NELL2: variants seen among roughly 807,000 people sequenced by gnomAD.
NELL2 encodes neural EGFL like 2.
NELL2 carries 41 observed loss-of-function variants against 109.6 expected under a neutral mutation model. That is an observed-to-expected ratio of 0.37 (90% confidence interval 0.29 to 0.49). The LOEUF (loss-of-function observed/expected upper bound fraction) is 0.49. Ranked by LOEUF, NELL2 falls within the 20% of genes least tolerant of loss-of-function variation. The probability of loss-of-function intolerance (pLI) is 0.98; values close to 1 mark genes in which losing one functional copy is unlikely to be tolerated. For missense variants in NELL2, 900 were observed against 1,008.3 expected, an observed-to-expected ratio of 0.89 and a Z score of 1.45; for synonymous variants, 355 against 344.7, an observed-to-expected ratio of 1.03 and a Z score of -0.33.
At chr12:44,759,170 A>C (rs550595861) in intron 9 of NELL2, among the ~76,000 whole-genome samples, 6 of 152,242 alleles carry the variant, frequency 3.9e-5, no homozygotes, top group African/African-American at 1.4e-4. Context: ...TTTCATCTTC[A>C]TACCTTGCTC....
At chr12:44,706,920 A>G (rs1348530545) in intron 11 of NELL2, among the ~76,000 whole-genome samples, 1 of 152,154 alleles carries the variant, frequency 6.6e-6, no homozygotes, top group African/African-American at 2.4e-5. Flanking sequence ...TTGGTAAAAT[A>G]TAAACATGCA....
In NELL2 at chr12:44,876,175, T is replaced by C. The variant is rs1007493193; in HGVS notation, c.-306A>G. ...CCCCGGCGCGGCTCCGTCGGGGAAT[T>C]AGCTCCCGAGCCGAATAAAAGCAGC... On this transcript the variant is annotated 5_prime_UTR_variant, in exon 1 of 20. Transcript: ENST00000429094. The C allele has an allele frequency of 7.1e-5, 89 of 1,244,924 alleles. 1 individual carries two copies. The African/African-American group carries it at 1.3e-3, about 18-fold the overall frequency. 77.1% of individuals were successfully genotyped at this position (1,244,924 alleles called of 1,614,324 possible). A position where few individuals can be genotyped will look rare whatever the true frequency, so the allele number is the denominator to read the frequency against.
chr12:44,918,517 ATGTGTGTGTGTG>A (rs10589306), upstream of NELL2, among the ~76,000 whole-genome samples: 40 of 123,962 alleles, frequency 3.2e-4, 1 homozygote, highest in South Asian at 1.3e-3. Context: ...GCATGCATGT[ATGTGTGTGTGTG>A]TGTGTGTGTG....
intron 13 of NELL2, among the ~76,000 whole-genome samples, chr12:44,633,052 A>G (rs1234699654): frequency 6.6e-6 from 1 of 152,078 alleles, no homozygotes; most frequent in East Asian, 1.9e-4. Flanking sequence ...ACAGGAGTCA[A>G]AGAAAACACA....
chr12:44,600,829 T>C (rs957128584), intron 15 of NELL2, among the ~76,000 whole-genome samples: 3 of 152,222 alleles, frequency 2.0e-5, no homozygotes, highest in Admixed American at 2.0e-4. Context: ...AAATTTACTT[T>C]TCATTATATG....
At chr12:44,880,848 G>A (rs893898065), upstream of NELL2, 2 of 151,928 alleles carry the variant, frequency 1.3e-5, no homozygotes, top group African/African-American at 4.9e-5. Context: ...TGTTGTTGTT[G>A]TTGTTGTTGT....
chr12:44,642,653 G>T (rs528578993), intron 13 of NELL2, among the ~76,000 whole-genome samples: 1 of 152,102 alleles, frequency 6.6e-6, no homozygotes, highest in Admixed American at 6.5e-5. Context: ...ATGCTGAGGC[G>T]GGCGGATCAC....
At chr12:44,806,400 C>A (rs576147345) in intron 3 of NELL2, among the ~76,000 whole-genome samples, 60 of 151,864 alleles carry the variant, frequency 4.0e-4, no homozygotes, top group African/African-American at 1.4e-3. Flanking sequence ...ATATTAAAAT[C>A]TGTTATGAAA....
At chr12:44,916,448 C>T (rs2136897444), upstream of NELL2, among the ~76,000 whole-genome samples, 1 of 152,158 alleles carries the variant, frequency 6.6e-6, no homozygotes, top group East Asian at 1.9e-4. Context: ...AAATGGAAAT[C>T]ATTATAACTG....
intron 13 of NELL2, among the ~76,000 whole-genome samples, chr12:44,632,436 A>G (rs1946488549): frequency 6.6e-6 from 1 of 152,136 alleles, no homozygotes. Context: ...AGTATTTATT[A>G]GTAGTGTGAC....
intron 13 of NELL2, among the ~76,000 whole-genome samples, chr12:44,624,487 C>T (rs1946165231): frequency 6.6e-6 from 1 of 152,034 alleles, no homozygotes; most frequent in Non-Finnish European, 1.5e-5. Flanking sequence ...TCCTCACTAT[C>T]GTCTTTCCCC....
At chr12:44,886,101 AAGGAAGGAAGG>A (rs1945469061) in intron 1 of NELL2, among the ~76,000 whole-genome samples, 1 of 116,430 alleles carries the variant, frequency 8.6e-6, no homozygotes, top group Non-Finnish European at 1.7e-5. Context: ...GGAAGGAAGG[AAGGAAGGAAGG>A]AAGGAAGGAA....
chr12:44,864,705 T>C (rs1364464848), intron 2 of NELL2, among the ~76,000 whole-genome samples: 13 of 152,138 alleles, frequency 8.5e-5, no homozygotes, highest in Admixed American at 2.0e-4. Flanking sequence ...AAACTACACT[T>C]TACATCAAAT....
intron 1 of NELL2, among the ~76,000 whole-genome samples, chr12:44,887,927 A>G (rs906912996): frequency 9.2e-5 from 14 of 151,992 alleles, no homozygotes; most frequent in African/African-American, 3.4e-4. Context: ...ATCCTGGAGC[A>G]TTGGCCTAAT....
intron 3 of NELL2, among the ~76,000 whole-genome samples, chr12:44,783,840 G>A (rs944467894): frequency 6.6e-6 from 1 of 151,800 alleles, no homozygotes; most frequent in East Asian, 1.9e-4. Context: ...ATATTGCCCT[G>A]ACACCAAAAA....
chr12:44,751,794 C>T (rs1241033377), intron 9 of NELL2, among the ~76,000 whole-genome samples: 1 of 151,988 alleles, frequency 6.6e-6, no homozygotes, highest in Non-Finnish European at 1.5e-5. Context: ...GATAATTTTG[C>T]TATAAAATTA....
intron 9 of NELL2, among the ~76,000 whole-genome samples, chr12:44,750,143 A>C (rs1194371459): frequency 6.6e-6 from 1 of 152,128 alleles, no homozygotes; most frequent in South Asian, 2.1e-4. Context: ...AGAGAAAGAA[A>C]ACCACCCAGC....
chr12:44,637,022 T>A (rs187811208), intron 13 of NELL2, among the ~76,000 whole-genome samples: 1 of 152,236 alleles, frequency 6.6e-6, no homozygotes, highest in Non-Finnish European at 1.5e-5. Context: ...TCTTCTAGAT[T>A]TTTTAGTTTA....
chr12:44,800,883 G>C (rs867092423), intron 3 of NELL2, among the ~76,000 whole-genome samples: 7 of 152,206 alleles, frequency 4.6e-5, no homozygotes, highest in Non-Finnish European at 7.4e-5. Context: ...ACACGGGACA[G>C]AGTAAGCTGT....
Sources: allele counts gnomAD v4.1 joint callset (sites outside exome capture counted in the v4.1 genomes callset), GRCh38; gene constraint gnomAD v4.1.1; transcripts MANE v1.5; gene names NCBI Gene and HGNC (gene_info 2026-07-23, HGNC 2026-07-21).